Variants in ULK4 observed in about 807,000 individuals in gnomAD.
The protein encoded by ULK4 is inactive serine/threonine-protein kinase ULK4.
A neutral mutation model predicts 160.6 loss-of-function variants in ULK4; 133 were observed. That is an observed-to-expected ratio of 0.83 (90% CI 0.72 to 0.96). The LOEUF is 0.96. ULK4 is among the 40% of genes least tolerant of loss of function. The probability of loss-of-function intolerance (pLI) is 0.00; values close to 1 mark genes in which losing one functional copy is unlikely to be tolerated. For missense variants in ULK4, 1,580 were observed against 1,499.5 expected (o/e 1.05, Z -0.89); for synonymous variants, 534 against 539.8 (o/e 0.99, Z 0.15).
Position 41,663,676 on chromosome 3 carries a change from G to A in ULK4, c.3002C>T (p.Pro1001Leu), listed in dbSNP as rs759645175. 9 of 1,613,758 alleles carry A rather than the reference G, an allele frequency of 5.6e-6. No homozygotes were observed. The highest frequency in any genetic ancestry group is 3.3e-4 in the Middle Eastern group (2 of 6,082). The part of the protein sequence containing the change: ...LPQYEHILLE[P>L]DPVPAYALKL... The stretch of plus-strand genomic sequence containing the variant: ...CAGAGCATATGCTGGTACTGGGTCA[G>A]GTTCTAAAAGAATGTGCTCATACCT... The change falls in exon 30 of 37, where the codon CCT becomes CTT. Residue 1001 changes from proline (P) to leucine (L), a missense_variant. Pro to Leu is a moderately conservative substitution (Grantham distance 98, BLOSUM62 -3). Transcript: ENST00000301831.
chr3:41,336,918 G>T (rs2080570200), intron 35 of ULK4, among the ~76,000 whole-genome samples: 2 of 152,120 alleles, frequency 1.3e-5, no homozygotes, highest in African/African-American at 4.8e-5. Context: ...TAAAACCAGG[G>T]GGCTATACTG....
Position 41,692,299 on chromosome 3 carries a change from G to A in ULK4, c.2782-10495C>T, listed in dbSNP as rs115912334. On this transcript the variant is annotated intron_variant, in intron 27 of 36. Transcript: ENST00000301831. ...TGAGAAAACCACGACGACACAATCT[G>A]ACACAGTATATGACAGCAAACATGT... 1.5e-3 allele frequency among the ~76,000 whole-genome samples: 222 copies of A among 152,114 alleles called. 1 individual carries two copies. The highest frequency in any genetic ancestry group is 5.2e-3 in the African/African-American group (216 of 41,514).
At chr3:41,825,364 A>G (rs56776628) in intron 18 of ULK4, among the ~76,000 whole-genome samples, 38,714 of 152,052 alleles carry the variant, frequency 0.25, 6,101 homozygotes, top group African/African-American at 0.45. Flanking sequence ...AAACTACTCT[A>G]AGCTAAATGA....
intron 34 of ULK4, among the ~76,000 whole-genome samples, chr3:41,425,280 G>A (rs1384402420): frequency 6.6e-6 from 1 of 152,068 alleles, no homozygotes; most frequent in African/African-American, 2.4e-5. Context: ...AAAAACCTCT[G>A]AGAACTATGG....
At chr3:41,447,266 A>C (rs1427741601) in intron 34 of ULK4, among the ~76,000 whole-genome samples, 2 of 152,024 alleles carry the variant, frequency 1.3e-5, no homozygotes, top group Non-Finnish European at 2.9e-5. Flanking sequence ...CTTTCAGTGA[A>C]ATGTATTCAT....
chr3:41,525,462 T>C (rs1387980743), intron 32 of ULK4, among the ~76,000 whole-genome samples: 2 of 152,218 alleles, frequency 1.3e-5, no homozygotes, highest in Non-Finnish European at 2.9e-5. Context: ...CGTCTTCTGG[T>C]GCAGCCACAG....
intron 20 of ULK4, among the ~76,000 whole-genome samples, chr3:41,799,725 TG>T (rs1301981895): frequency 6.6e-6 from 1 of 151,998 alleles, no homozygotes; most frequent in African/African-American, 2.4e-5. Flanking sequence ...AAGCCAGGCC[TG>T]GTGGTGCATG....
intron 17 of ULK4, among the ~76,000 whole-genome samples, chr3:41,858,349 A>G (rs1458377352): frequency 1.3e-5 from 2 of 150,818 alleles, no homozygotes; most frequent in Admixed American, 1.3e-4. Flanking sequence ...ACGGGGTTTC[A>G]CCATGTTGGC....
chr3:41,427,227 C>A (rs952893475), intron 34 of ULK4, among the ~76,000 whole-genome samples: 5 of 152,038 alleles, frequency 3.3e-5, no homozygotes, highest in Non-Finnish European at 7.4e-5. Context: ...AAATTGAATC[C>A]CTGAGTAGAC....
chr3:41,485,873 A>G (rs2084508859), intron 32 of ULK4, among the ~76,000 whole-genome samples: 1 of 152,264 alleles, frequency 6.6e-6, no homozygotes, highest in African/African-American at 2.4e-5. Context: ...TTAAATATGA[A>G]TGTAAAAAAT....
intron 35 of ULK4, among the ~76,000 whole-genome samples, chr3:41,351,131 C>T (rs2080901925): frequency 6.6e-6 from 1 of 152,176 alleles, no homozygotes; most frequent in African/African-American, 2.4e-5. Context: ...TTGTAAGAGT[C>T]GTTTTCTGGA....
chr3:41,883,978 T>G (rs1697624829), intron 16 of ULK4, 26 bp from the exon 17 acceptor site: 1 of 1,544,872 alleles, frequency 6.5e-7, no homozygotes, highest in East Asian at 2.2e-5. Context: ...AAACAGGCTC[T>G]GAAAAGAAGA....
chr3:41,317,061 C>CT (rs1170201981), intron 35 of ULK4, among the ~76,000 whole-genome samples: 2 of 92,132 alleles, frequency 2.2e-5, no homozygotes, highest in African/African-American at 9.6e-5. Context: ...GCAATTACAT[C>CT]TATTTTTTTT....
intron 18 of ULK4, among the ~76,000 whole-genome samples, chr3:41,827,623 C>G (rs1057204787): frequency 2.0e-5 from 3 of 152,072 alleles, no homozygotes; most frequent in African/African-American, 7.2e-5. Context: ...TCTGAATAGA[C>G]CAATAACAGG....
chr3:41,540,550 C>T (rs889132518), intron 32 of ULK4, among the ~76,000 whole-genome samples: 2 of 152,138 alleles, frequency 1.3e-5, no homozygotes, highest in African/African-American at 4.8e-5. Context: ...TGGGTATATA[C>T]CCAGTAATGG....
chr3:41,780,756 T>C (rs900502137), intron 21 of ULK4, among the ~76,000 whole-genome samples: 3 of 152,170 alleles, frequency 2.0e-5, no homozygotes, highest in Non-Finnish European at 4.4e-5. Flanking sequence ...CCCAAAGCTA[T>C]GGCTTTCTAC....
At chr3:41,820,742 T>C (rs2041121028) in intron 18 of ULK4, among the ~76,000 whole-genome samples, 1 of 152,104 alleles carries the variant, frequency 6.6e-6, no homozygotes, top group South Asian at 2.1e-4. Context: ...AATCTATTCA[T>C]GTAACAAACC....
At chr3:41,717,958 C>A in intron 22 of ULK4, 97 bp from the exon 23 acceptor site, 1 of 1,405,646 alleles carries the variant, frequency 7.1e-7, no homozygotes. Flanking sequence ...CAGAGGGCAC[C>A]CTCCCAATCA....
intron 19 of ULK4, among the ~76,000 whole-genome samples, chr3:41,810,916 T>G (rs2040802154): frequency 6.6e-6 from 1 of 152,206 alleles, no homozygotes; most frequent in Non-Finnish European, 1.5e-5. Context: ...GACAGGGTCT[T>G]GCTCTGTTGC....
Sources: allele counts gnomAD v4.1 joint callset (sites outside exome capture counted in the v4.1 genomes callset), GRCh38; gene constraint gnomAD v4.1.1; transcripts MANE v1.5; gene names NCBI Gene and HGNC (gene_info 2026-07-23, HGNC 2026-07-21).